C19orf84: variants seen among roughly 807,000 people sequenced by gnomAD.
C19orf84 encodes chromosome 19 open reading frame 84.
In C19orf84, 1 loss-of-function variant was observed where a neutral mutation model predicts 4.0. The observed-to-expected ratio is 0.25, with a 90% CI of 0.09 to 1.19. C19orf84 has a LOEUF of 1.19. Ranked by LOEUF, C19orf84 falls within the 50% of genes most tolerant of loss-of-function variation. The pLI is 0.50. For synonymous variants in C19orf84, 123 were observed against 109.6 expected (o/e 1.12, Z -0.76); for missense variants, 224 against 246.8 (o/e 0.91, Z 0.62).
At position 51,389,225 on chromosome 19, in the gene C19orf84, C is replaced by T; in HGVS notation, c.320G>A (p.Gly107Glu). The change falls in exon 2 of 2, where the codon GGA becomes GAA. Residue 107 changes from glycine to glutamate, a missense_variant. Coordinates refer to ENST00000574814, the MANE Select transcript of C19orf84 (RefSeq NM_001193623.2). This position sits in a 1 kb window ranked among gnomAD's most constrained non-coding sequence, Gnocchi z 4.7. ...TGGCCTGTGCCTGACTTCCCAGCCT[C>T]CGCGTCCCCTGGGAGGCCTCCTAAC... Reference protein sequence around the residue: ...GAVRRPPRGRGGWEVRHRPGW... With the variant: ...GAVRRPPRGREGWEVRHRPGW... The T allele has an allele frequency of 6.5e-7, 1 of 1,534,732 alleles. No homozygotes were observed. Among genetic ancestry groups the T allele is most frequent in the Non-Finnish European group, 8.7e-7 (1 of 1,146,120 alleles).
chr19:51,389,282 C>G lies in C19orf84; in HGVS notation c.263G>C (p.Cys88Ser). ...FQQALPSCPC[C>S]SQAGHSQPGA... ...CGGCTGGGAGTGGCCTGCCTGGGAGCAGCAGGGGCAAGAGGGCAAGGCCTG... is the reference window on the plus strand; with the variant it reads ...CGGCTGGGAGTGGCCTGCCTGGGAGGAGCAGGGGCAAGAGGGCAAGGCCTG... The change falls in exon 2 of 2, where the codon TGC (cysteine) becomes TCC (serine). Residue 88 changes from cysteine (C) to serine (S), a missense_variant. Coordinates refer to ENST00000574814, the MANE Select transcript of C19orf84 (RefSeq NM_001193623.2). This position sits in a 1 kb window ranked among gnomAD's most constrained non-coding sequence, Gnocchi z 4.7. 1 of 1,535,886 alleles carries G rather than the reference C, an allele frequency of 6.5e-7. No individual in the cohort carries two copies.
Position 51,389,115 on chromosome 19 carries a change from G to C in C19orf84, c.430C>G (p.Pro144Ala). 1 of 1,533,814 alleles carries C rather than the reference G, an allele frequency of 6.5e-7. No homozygotes were observed. Among genetic ancestry groups the C allele is most frequent in the African/African-American group, 1.4e-5 (1 of 73,072 alleles). ...GGCAGTGTCATTGGTGGGGTCCTGG[G>C]GCCAGCCCCAGGGCCCCCCGCCCGG... ...RGRAGGPGAG[P>A]RTPPMTLPSP... Residue 144 changes from proline (P) to alanine (A), a missense_variant, in exon 2 of 2, where the codon CCC becomes GCC. By Grantham distance (27) the Pro-to-Ala change is conservative (BLOSUM62 -1). Transcript: ENST00000574814. The surrounding 1 kb of genome is among the most constrained non-coding windows in gnomAD (Gnocchi z 4.7).
Position 51,388,763 on chromosome 19 carries a change from T to C in C19orf84, c.*221A>G, listed in dbSNP as rs3826662. On this transcript the variant is annotated 3_prime_UTR_variant, in exon 2 of 2. Transcript: ENST00000574814. Reference sequence around the variant, plus strand: ...GGTTGAGGCCATCAAGGAGACAGGTTTGGGTACGAGGTTTAGGATTTTCTT... The same window carrying C: ...GGTTGAGGCCATCAAGGAGACAGGTCTGGGTACGAGGTTTAGGATTTTCTT... 124,892 of 586,826 alleles carry C rather than the reference T, an allele frequency of 0.21. 18,283 individuals carry two copies. The highest frequency in any genetic ancestry group is 0.57 in the African/African-American group (30,125 of 53,184). The allele number at this position is 586,826 out of a possible 1,614,324, so 36.4% of individuals were successfully genotyped here. A position where few individuals can be genotyped will look rare whatever the true frequency, so the allele number is the denominator to read the frequency against.
At chr19:51,390,089 C>T (rs1987262688) in intron 1 of C19orf84, among the ~76,000 whole-genome samples, 1 of 152,070 alleles carries the variant, frequency 6.6e-6, no homozygotes, top group Non-Finnish European at 1.5e-5. Flanking sequence ...AGCGATTCTC[C>T]TGCCTCAGCC....
chr19:51,390,355 C>CT, intron 1 of C19orf84, 123 bp downstream of exon 1: 1 of 897,988 alleles, frequency 1.1e-6, no homozygotes, highest in Non-Finnish European at 1.6e-6. Flanking sequence ...ATACCTGAGC[C>CT]TTTTTTGTTT....
Position 51,388,662 on chromosome 19 carries a change from A to G in C19orf84, c.*322T>C. The stretch of plus-strand genomic sequence containing the variant: ...TTTGGGATTAGGGAGAGGATAGGGA[A>G]TGGGGTTGGAGGAGCCCTGGGGGTT... On this transcript the variant is annotated 3_prime_UTR_variant, in exon 2 of 2. Coordinates refer to ENST00000574814, the MANE Select transcript of C19orf84 (RefSeq NM_001193623.2). 1.4e-5 allele frequency: 5 copies of G among 359,022 alleles called. No homozygotes were observed. The South Asian group carries it at 1.6e-4, about 12-fold the overall frequency. The allele number at this position is 359,022 out of a possible 1,614,324, so 22.2% of individuals were successfully genotyped here.
In C19orf84 at chr19:51,388,777, T is replaced by G; in HGVS notation, c.*207A>C. On this transcript the variant is annotated 3_prime_UTR_variant, in exon 2 of 2. Transcript: ENST00000574814. ...AGGAGACAGGTTTGGGTACGAGGTT[T>G]AGGATTTTCTTCTCACTTGGGATTC... The G allele has an allele frequency of 1.6e-6, 1 of 613,178 alleles. No individual in the cohort carries two copies. The allele number at this position is 613,178 out of a possible 1,614,324, so 38.0% of individuals were successfully genotyped here.
Position 51,388,947 on chromosome 19 carries a change from G to A in C19orf84, c.*37C>T, listed in dbSNP as rs906568710. 8 of 1,534,692 alleles carry A rather than the reference G, an allele frequency of 5.2e-6. No individual in the cohort carries two copies. The African/African-American group carries it at 1.1e-4, about 21-fold the overall frequency. On this transcript the variant is annotated 3_prime_UTR_variant, in exon 2 of 2. Transcript: ENST00000574814. ...TCTGGGCCCCAGGAAAACCCTCCTG[G>A]GTGACTGCAATCTCAGGTGCCTGAC...
Position 51,390,498 on chromosome 19 carries a change from C to CT in C19orf84, c.14dup (p.Asp6GlyfsTer6), listed in dbSNP as rs1987281985. ...CTCACCCTTCAGGCCCAGCCCCGTC[C>CT]TTTGGTTGTTCCATCTCCACTGGGG... On this transcript the variant is annotated frameshift_variant, in exon 1 of 2. Coordinates refer to ENST00000574814, the MANE Select transcript of C19orf84 (RefSeq NM_001193623.2). LOFTEE classifies it low-confidence loss of function (END_TRUNC). 6.5e-7 allele frequency: 1 copy of CT among 1,533,086 alleles called. No individual in the cohort carries two copies. Among genetic ancestry groups the CT allele is most frequent in the Non-Finnish European group, 8.7e-7 (1 of 1,145,404 alleles). The allele number at this position is 1,533,086 out of a possible 1,614,324, so 95.0% of individuals were successfully genotyped here.
Position 51,389,622 on chromosome 19 carries a change from G to A in C19orf84, c.36-113C>T. ...GAAGGCAGCCATCTCTCCATCCTCA[G>A]TGCCCACCTGTGACTTCCTCCCCCG... On this transcript the variant is annotated intron_variant, in intron 1 of 1. Coordinates refer to ENST00000574814, the MANE Select transcript of C19orf84 (RefSeq NM_001193623.2). The surrounding 1 kb of genome is among the most constrained non-coding windows in gnomAD (Gnocchi z 4.7). 3 of 818,642 alleles carry A rather than the reference G, an allele frequency of 3.7e-6. No homozygotes were observed. Among genetic ancestry groups the A allele is most frequent in the Non-Finnish European group, 5.0e-6 (3 of 597,330 alleles). The allele number at this position is 818,642 out of a possible 1,614,324, so 50.7% of individuals were successfully genotyped here. A position where few individuals can be genotyped will look rare whatever the true frequency, so the allele number is the denominator to read the frequency against.
Position 51,390,520 on chromosome 19 carries a change from G to A in C19orf84, c.-8C>T. On this transcript the variant is annotated 5_prime_UTR_variant, in exon 1 of 2. Transcript: ENST00000574814. ...GTCCTTTGGTTGTTCCATCTCCACT[G>A]GGGCCCTCTTACGTATCTTCTAGCA... is the stretch of plus-strand genomic sequence containing the variant. 1 of 1,530,882 alleles carries A rather than the reference G, an allele frequency of 6.5e-7. No homozygotes were observed. 94.8% of individuals were successfully genotyped at this position (1,530,882 alleles called of 1,614,324 possible).
In C19orf84 at chr19:51,390,580, G is replaced by A. The variant is rs1411527693; in HGVS notation, c.-68C>T. On this transcript the variant is annotated 5_prime_UTR_variant, in exon 1 of 2. Coordinates refer to ENST00000574814, the MANE Select transcript of C19orf84 (RefSeq NM_001193623.2). ...CCGAGATCCTTCGGGGGCCCGGGAA[G>A]GTTGGGGAGGGGCCGAGGCCGAGAG... The A allele has an allele frequency of 2.0e-6, 3 of 1,477,726 alleles. No homozygotes were observed. The highest frequency in any genetic ancestry group is 2.7e-6 in the Non-Finnish European group (3 of 1,110,350). The allele number at this position is 1,477,726 out of a possible 1,614,324, so 91.5% of individuals were successfully genotyped here. A position where few individuals can be genotyped will look rare whatever the true frequency, so the allele number is the denominator to read the frequency against.
chr19:51,389,543 A>G lies in C19orf84; in HGVS notation c.36-34T>C. The G allele has an allele frequency of 7.2e-7, 1 of 1,382,962 alleles. No homozygotes were observed. The highest frequency in any genetic ancestry group is 9.3e-7 in the Non-Finnish European group (1 of 1,072,240). 85.7% of individuals were successfully genotyped at this position (1,382,962 alleles called of 1,614,324 possible). On this transcript the variant is annotated intron_variant, in intron 1 of 1. Transcript: ENST00000574814. The surrounding 1 kb of genome is among the most constrained non-coding windows in gnomAD (Gnocchi z 4.7). ...ACAAAAAGACAGGTCAGTGGGGCTC[A>G]GCGTCTCCGTACTTTCTTGTTTCTC...
At position 51,389,492 on chromosome 19, in the gene C19orf84, G is replaced by T. The variant is rs1275371394; in HGVS notation, c.53C>A (p.Pro18Gln). Residue 18 changes from proline to glutamine, a missense_variant, in exon 2 of 2, where the codon CCG becomes CAG. Physicochemically the swap from Pro to Gln is moderately conservative, Grantham distance 76. Coordinates refer to ENST00000574814, the MANE Select transcript of C19orf84 (RefSeq NM_001193623.2). This position sits in a 1 kb window ranked among gnomAD's most constrained non-coding sequence, Gnocchi z 4.7. ...GGGCCATGGCTCGGTCCCAGATGACGGCAGGGACAGGTTGTTCCTAGAACA... is the reference window on the plus strand; with the variant it reads ...GGGCCATGGCTCGGTCCCAGATGACTGCAGGGACAGGTTGTTCCTAGAACA... ...AGPEGNNLSL[P>Q]SSGTEPWPPA... The T allele has an allele frequency of 4.9e-6, 7 of 1,428,836 alleles. No homozygotes were observed. Among genetic ancestry groups the T allele is most frequent in the Non-Finnish European group, 5.5e-6 (6 of 1,095,390 alleles). The allele number at this position is 1,428,836 out of a possible 1,614,324, so 88.5% of individuals were successfully genotyped here.
rs775949877 is a variant in C19orf84 at position 51,389,365 on chromosome 19, G to A, written c.180C>T (p.Arg60=). ...ESVASVTVPI[R]LDTLSCLLHS... is the part of the protein sequence containing the mutation. ...GCAGGAGGCAGGAGAGGGTGTCCAG[G>A]CGTATGGGCACGGTGACAGAGGCCA... is the stretch of plus-strand genomic sequence containing the variant. The change falls in exon 2 of 2, where the codon CGC becomes CGT. Residue 60 remains arginine, a synonymous_variant. Transcript: ENST00000574814. The surrounding 1 kb of genome is among the most constrained non-coding windows in gnomAD (Gnocchi z 4.7). The A allele has an allele frequency of 1.3e-5, 20 of 1,522,630 alleles. No individual in the cohort carries two copies. In the Admixed American group the frequency reaches 3.3e-4, roughly 25 times the overall value. 94.3% of individuals were successfully genotyped at this position (1,522,630 alleles called of 1,614,324 possible). A position where few individuals can be genotyped will look rare whatever the true frequency, so the allele number is the denominator to read the frequency against.
At position 51,388,918 on chromosome 19, in the gene C19orf84, T is replaced by C; in HGVS notation, c.*66A>G. The C allele has an allele frequency of 1.3e-6, 2 of 1,497,778 alleles. No homozygotes were observed. The highest frequency in any genetic ancestry group is 1.7e-4 in the Middle Eastern group (1 of 5,730). The allele number at this position is 1,497,778 out of a possible 1,614,324, so 92.8% of individuals were successfully genotyped here. The stretch of plus-strand genomic sequence containing the variant: ...TGGGGTTCTTCTGACAGGGCTGAGA[T>C]CACTCTGGGCCCCAGGAAAACCCTC... On this transcript the variant is annotated 3_prime_UTR_variant, in exon 2 of 2. Transcript: ENST00000574814.
rs1270855526 is a variant in C19orf84 at position 51,390,567 on chromosome 19, G to A, written c.-55C>T. On this transcript the variant is annotated 5_prime_UTR_variant, in exon 1 of 2. Coordinates refer to ENST00000574814, the MANE Select transcript of C19orf84 (RefSeq NM_001193623.2). The stretch of plus-strand genomic sequence containing the variant: ...AGCAACTTCGCCTCCGAGATCCTTC[G>A]GGGGCCCGGGAAGGTTGGGGAGGGG... 3 of 1,503,008 alleles carry A rather than the reference G, an allele frequency of 2.0e-6. No individual in the cohort carries two copies. Among genetic ancestry groups the A allele is most frequent in the African/African-American group, 1.4e-5 (1 of 71,292 alleles). 93.1% of individuals were successfully genotyped at this position (1,503,008 alleles called of 1,614,324 possible).
chr19:51,389,589 C>T lies in C19orf84; in HGVS notation c.36-80G>A. 8.1e-7 allele frequency: 1 copy of T among 1,234,336 alleles called. No homozygotes were observed. The highest frequency in any genetic ancestry group is 1.0e-6 in the Non-Finnish European group (1 of 955,968). 76.5% of individuals were successfully genotyped at this position (1,234,336 alleles called of 1,614,324 possible). Reference sequence around the variant, plus strand: ...TTCTCGCTGCCAGGCTGTCTCTGCACCTCTGCAGAAGGCAGCCATCTCTCC... The same window carrying T: ...TTCTCGCTGCCAGGCTGTCTCTGCATCTCTGCAGAAGGCAGCCATCTCTCC... On this transcript the variant is annotated intron_variant, in intron 1 of 1. Transcript: ENST00000574814. The surrounding 1 kb of genome is among the most constrained non-coding windows in gnomAD (Gnocchi z 4.7).
At chr19:51,390,378 T>G in intron 1 of C19orf84, 100 bp downstream of exon 1, 1 of 1,159,174 alleles carries the variant, frequency 8.6e-7, no homozygotes, top group Non-Finnish European at 1.2e-6. Flanking sequence ...CCTGATTCTC[T>G]ATGCAGGTCT....
Sources: allele counts gnomAD v4.1 joint callset (sites outside exome capture counted in the v4.1 genomes callset), GRCh38; gene constraint gnomAD v4.1.1; non-coding constraint Gnocchi (gnomAD v3.1); transcripts MANE v1.5; gene names NCBI Gene and HGNC (gene_info 2026-07-23, HGNC 2026-07-21).